DLL1: variants seen among roughly 807,000 people sequenced by gnomAD.
DLL1 encodes delta-like protein 1.
DLL1 carries 9 observed loss-of-function variants against 75.1 expected under a neutral mutation model. That is an observed-to-expected ratio of 0.12 (90% CI 0.07 to 0.21). The LOEUF is 0.21. DLL1 is among the 10% of genes least tolerant of loss of function. DLL1 has a pLI of 1.00. For synonymous variants in DLL1, 477 were observed against 418.3 expected, an observed-to-expected ratio of 1.14 and a Z score of -1.71; for missense variants, 837 against 1,007.6, an observed-to-expected ratio of 0.83 and a Z score of 2.29.
intron 2 of DLL1, 75 bp downstream of exon 2, chr6:170,289,437 A>T: frequency 6.6e-7 from 1 of 1,516,524 alleles, no homozygotes; most frequent in East Asian, 2.6e-5. Flanking sequence ...CCGAGCGCCC[A>T]AGGCGGGATC....
intron 4 of DLL1, 115 bp from the exon 5 acceptor site, chr6:170,286,413 T>A: frequency 7.6e-7 from 1 of 1,317,646 alleles, no homozygotes; most frequent in Admixed American, 1.7e-5. Context: ...CCCAGCTGAG[T>A]TAATCTTCCC....
In DLL1 at chr6:170,282,988, C is replaced by T. The variant is rs138263042; in HGVS notation, c.2166G>A (p.Glu722=). 4.3e-6 allele frequency: 7 copies of T among 1,614,076 alleles called. No homozygotes were observed. Among genetic ancestry groups the T allele is most frequent in the Non-Finnish European group, 5.9e-6 (7 of 1,180,040 alleles). The part of the protein sequence containing the change: ...EEKDECVIAT[E]V Reference sequence around the variant, plus strand: ...GGGAGCGGCTGCTGCCTGCACTGACCTCAGTTGCTATGACGCACTCATCCT... The same window carrying T: ...GGGAGCGGCTGCTGCCTGCACTGACTTCAGTTGCTATGACGCACTCATCCT... Residue 722 remains glutamate (E), a splice_region_variant and synonymous_variant, in exon 10 of 11, where the codon GAG becomes GAA. Coordinates refer to ENST00000366756, the MANE Select transcript of DLL1 (RefSeq NM_005618.4).
chr6:170,288,650 T>C, intron 3 of DLL1, 79 bp downstream of exon 3: 2 of 1,609,604 alleles, frequency 1.2e-6, no homozygotes. Flanking sequence ...GCTGTCCGGG[T>C]TTGGCTGGGG....
rs1783818325 is a variant in DLL1 at position 170,290,032 on chromosome 6, C to T, written c.54+54G>A. The stretch of plus-strand genomic sequence containing the variant: ...CTCCCCGCGCGCTCCTGCCCCGCGC[C>T]CCGGCTACCCGTGAGACCCCGCGGG... On this transcript the variant is annotated intron_variant, in intron 1 of 10. Transcript: ENST00000366756. This position sits in a 1 kb window ranked among gnomAD's most constrained non-coding sequence, Gnocchi z 4.7. 5 of 1,527,572 alleles carry T rather than the reference C, an allele frequency of 3.3e-6. No individual in the cohort carries two copies. The highest frequency in any genetic ancestry group is 4.4e-6 in the Non-Finnish European group (5 of 1,146,778). The allele number at this position is 1,527,572 out of a possible 1,614,324, so 94.6% of individuals were successfully genotyped here.
In DLL1 at chr6:170,282,775, C is replaced by G; in HGVS notation, c.*99G>C. On this transcript the variant is annotated 3_prime_UTR_variant, in exon 11 of 11. Coordinates refer to ENST00000366756, the MANE Select transcript of DLL1 (RefSeq NM_005618.4). ...AACTCGGTTTCTCAGCAGCAGTCCA[C>G]GAGGCCTCCCTCCTCTTCAGCAGCA... 1 of 1,595,462 alleles carries G rather than the reference C, an allele frequency of 6.3e-7. No individual in the cohort carries two copies. The highest frequency in any genetic ancestry group is 2.2e-5 in the East Asian group (1 of 44,800).
Position 170,283,941 on chromosome 6 carries a change from G to A in DLL1, c.1338C>T (p.Asp446=). The part of the protein sequence containing the change: ...SGRHCDDNVD[D]CASSPCANGG... ...CGTTGGCGCACGGGGAGGAGGCGCA[G>A]TCGTCCACGTTGTCGTCACAGTGCC... is the stretch of plus-strand genomic sequence containing the variant. Residue 446 remains aspartate, a synonymous_variant, in exon 9 of 11, where the codon GAC becomes GAT. Coordinates refer to ENST00000366756, the MANE Select transcript of DLL1 (RefSeq NM_005618.4). The A allele has an allele frequency of 6.3e-7, 1 of 1,594,182 alleles. No individual in the cohort carries two copies. Among genetic ancestry groups the A allele is most frequent in the South Asian group, 1.1e-5 (1 of 88,816 alleles).
Position 170,286,488 on chromosome 6 carries a change from ATTC to A in DLL1, c.671-193_671-191del, listed in dbSNP as rs139830561. Among the ~76,000 whole-genome samples, 958 of 152,192 alleles carry A rather than the reference ATTC, an allele frequency of 6.3e-3. 10 individuals carry two copies. The highest frequency in any genetic ancestry group is 0.022 in the African/African-American group (899 of 41,502). On this transcript the variant is annotated intron_variant, in intron 4 of 10. Coordinates refer to ENST00000366756, the MANE Select transcript of DLL1 (RefSeq NM_005618.4). ...ACTTGACTCAGCCCTGGGGATGAGC[ATTC>A]TTCTTAACACAGGGGCTCAAGGACA... is the stretch of plus-strand genomic sequence containing the variant.
At position 170,290,866 on chromosome 6, in the gene DLL1, C is replaced by T; in HGVS notation, c.-727G>A. The stretch of plus-strand genomic sequence containing the variant: ...GGAGGAGGCTCTGCGCCGCGGCTGC[C>T]CGGGTTCCCCTGCGCTCTGCCCTCG... On this transcript the variant is annotated 5_prime_UTR_variant, in exon 1 of 11. Transcript: ENST00000366756. This position sits in a 1 kb window ranked among gnomAD's most constrained non-coding sequence, Gnocchi z 4.7. 1 of 665,388 alleles carries T rather than the reference C, an allele frequency of 1.5e-6. No individual in the cohort carries two copies. The highest frequency in any genetic ancestry group is 2.7e-6 in the Non-Finnish European group (1 of 367,084). The allele number at this position is 665,388 out of a possible 1,614,324, so 41.2% of individuals were successfully genotyped here.
Position 170,289,562 on chromosome 6 carries a change from CG to C in DLL1, c.300del (p.Asp101ThrfsTer22). The C allele has an allele frequency of 6.5e-7, 1 of 1,535,190 alleles. No individual in the cohort carries two copies. The highest frequency in any genetic ancestry group is 8.7e-7 in the Non-Finnish European group (1 of 1,146,444). On this transcript the variant is annotated frameshift_variant, in exon 2 of 11. Transcript: ENST00000366756. LOFTEE classifies it high-confidence loss of function. ...CGGATGGGGTTGCTGAACGCGGAGT[CG>C]GCGCCCCCGCCGTCGGGCAGACTGA... ...DSFSLPDGGG[A>X]DSAFSNPIRF...
Position 170,285,142 on chromosome 6 carries a change from G to A in DLL1, c.1033-7C>T, listed in dbSNP as rs780278843. The A allele has an allele frequency of 1.1e-5, 18 of 1,613,836 alleles. No individual in the cohort carries two copies. Among genetic ancestry groups the A allele is most frequent in the Admixed American group, 5.0e-5 (3 of 59,998 alleles). On this transcript the variant is annotated splice_region_variant and splice_polypyrimidine_tract_variant and intron_variant, in intron 7 of 10. Coordinates refer to ENST00000366756, the MANE Select transcript of DLL1 (RefSeq NM_005618.4). Reference sequence around the variant, plus strand: ...AGTAGCTGTTCTCGAGATCCTACACGATGGAGAGGTCAGAAAAGGCTTTCC... The same window carrying A: ...AGTAGCTGTTCTCGAGATCCTACACAATGGAGAGGTCAGAAAAGGCTTTCC...
chr6:170,289,658 C>G lies in DLL1; in HGVS notation c.205G>C (p.Ala69Pro), dbSNP rs1431782940. The change falls in exon 2 of 11, where the codon GCC (alanine) becomes CCC (proline). Residue 69 changes from alanine (A) to proline (P), a missense_variant. Transcript: ENST00000366756. ...CAGGGCGGCTCGGGGGACACGCTGGCCTGGTAGTGCTTGAGGCACACGCGG... is the reference window on the plus strand; with the variant it reads ...CAGGGCGGCTCGGGGGACACGCTGGGCTGGTAGTGCTTGAGGCACACGCGG... ...FFRVCLKHYQ[A>P]SVSPEPPCTY... is the part of the protein sequence containing the mutation. 1 of 1,541,850 alleles carries G rather than the reference C, an allele frequency of 6.5e-7. No homozygotes were observed. Among genetic ancestry groups the G allele is most frequent in the East Asian group, 2.4e-5 (1 of 40,886 alleles).
chr6:170,283,198 A>G, intron 9 of DLL1, 33 bp downstream of exon 9: 1 of 1,613,128 alleles, frequency 6.2e-7, no homozygotes, highest in South Asian at 1.1e-5. Flanking sequence ...CCCCCCAGGT[A>G]CCCCCTCCTG....
Position 170,290,503 on chromosome 6 carries a change from G to A in DLL1, c.-364C>T, listed in dbSNP as rs923524883. On this transcript the variant is annotated 5_prime_UTR_variant, in exon 1 of 11. Transcript: ENST00000366756. This position sits in a 1 kb window ranked among gnomAD's most constrained non-coding sequence, Gnocchi z 4.7. ...TTGAGCTTCTTCGCAGGAGAGGGAG[G>A]GGGAGAAAGAGAAAGAGAGAGAGTC... is the stretch of plus-strand genomic sequence containing the variant. 3.4e-6 allele frequency: 1 copy of A among 290,030 alleles called. No homozygotes were observed. Among genetic ancestry groups the A allele is most frequent in the Non-Finnish European group, 6.3e-6 (1 of 158,236 alleles). The allele number at this position is 290,030 out of a possible 1,614,324, so 18.0% of individuals were successfully genotyped here. A position where few individuals can be genotyped will look rare whatever the true frequency, so the allele number is the denominator to read the frequency against.
chr6:170,289,960 T>C, intron 1 of DLL1, 126 bp downstream of exon 1: 1 of 1,318,556 alleles, frequency 7.6e-7, no homozygotes, highest in South Asian at 1.8e-5. Flanking sequence ...GCCCCCGGGA[T>C]TCATCTTCCG....
intron 8 of DLL1, 139 bp from the exon 9 acceptor site, chr6:170,284,168 G>A (rs1215719356): frequency 1.6e-5 from 18 of 1,123,340 alleles, no homozygotes; most frequent in East Asian, 1.3e-4. Flanking sequence ...AGTCCACAGC[G>A]CAAGGTGACA....
intron 5 of DLL1, 114 bp from the exon 6 acceptor site, chr6:170,285,813 A>G: frequency 6.8e-7 from 1 of 1,476,178 alleles, no homozygotes; most frequent in Non-Finnish European, 9.4e-7. Context: ...GGTTCTCCAG[A>G]TTAGCAGAAC....
intron 6 of DLL1, 70 bp downstream of exon 6, chr6:170,285,499 T>G (rs1783678569): frequency 6.2e-7 from 1 of 1,614,080 alleles, no homozygotes; most frequent in Non-Finnish European, 8.5e-7. Flanking sequence ...ATTTTTCCAG[T>G]GATCAAACAG....
chr6:170,283,955 C>T lies in DLL1; in HGVS notation c.1324G>A (p.Asp442Asn), dbSNP rs775661497. ...QAGFSGRHCD[D>N]NVDDCASSPC... ...GAGGAGGCGCAGTCGTCCACGTTGT[C>T]GTCACAGTGCCTCCCCGAGAAGCCG... is the stretch of plus-strand genomic sequence containing the variant. Residue 442 changes from aspartate to asparagine, a missense_variant, in exon 9 of 11, where the codon GAC (aspartate) becomes AAC (asparagine). Physicochemically the swap from Asp to Asn is conservative, Grantham distance 23 (BLOSUM62 1). Around this residue, in one of 2 missense-constraint regions of DLL1, gnomAD observed 533 missense variants for 545.7 expected, o/e 0.98. Transcript: ENST00000366756. 1.3e-5 allele frequency: 20 copies of T among 1,590,574 alleles called. No homozygotes were observed. Among genetic ancestry groups the T allele is most frequent in the East Asian group, 6.8e-5 (3 of 43,828 alleles).
Position 170,283,640 on chromosome 6 carries a change from C to A in DLL1, c.1639G>T (p.Ala547Ser). 6.2e-7 allele frequency: 1 copy of A among 1,604,026 alleles called. No individual in the cohort carries two copies. The highest frequency in any genetic ancestry group is 1.1e-5 in the South Asian group (1 of 90,348). The change falls in exon 9 of 11, where the codon GCC becomes TCC. Residue 547 changes from alanine to serine, a missense_variant. Physicochemically the swap from Ala to Ser is moderately conservative, Grantham distance 99. Around this residue, in one of 2 missense-constraint regions of DLL1, gnomAD observed 533 missense variants for 545.7 expected, o/e 0.98. Transcript: ENST00000366756. ...ACAAGGATGACCCCGGCGCACACGG[C>A]CACCCAGGGGAATGGCCCGCCCTGG... ...EGQGGPFPWV[A>S]VCAGVILVLM...
Sources: allele counts gnomAD v4.1 joint callset (sites outside exome capture counted in the v4.1 genomes callset), GRCh38; gene constraint gnomAD v4.1.1; regional missense constraint gnomAD v4.1.1; non-coding constraint Gnocchi (gnomAD v3.1); transcripts MANE v1.5; gene names NCBI Gene and HGNC (gene_info 2026-07-23, HGNC 2026-07-21).